MICAL1: variants seen among roughly 807,000 people sequenced by gnomAD.
MICAL1 encodes the protein [F-actin]-monooxygenase MICAL1.
Under a neutral mutation model 131.8 loss-of-function variants are expected in MICAL1, and 95 were observed. The ratio of observed to expected loss-of-function variants is 0.72; its 90% CI spans 0.61 to 0.86. The LOEUF (loss-of-function observed/expected upper bound fraction) is 0.86. Ranked by LOEUF, MICAL1 falls within the 40% of genes least tolerant of loss-of-function variation. The pLI is 0.00. For synonymous variants in MICAL1, 546 were observed against 554.2 expected (o/e 0.99, Z 0.21); for missense variants, 1,292 against 1,380.6 (o/e 0.94, Z 1.02).
In MICAL1 at chr6:109,453,745, G is replaced by A. The variant is rs747384815; in HGVS notation, c.359C>T (p.Ser120Phe). The stretch of plus-strand genomic sequence containing the variant: ...CCAGAGGTGGAGCACGTTGTGGCGA[G>A]AGAACTTGGTGCGCTTTTCCACCAG... ...VVLVEKRTKFSRHNVLHLWPF... is the reference protein window; with the variant it reads ...VVLVEKRTKFFRHNVLHLWPF... Residue 120 changes from serine (S) to phenylalanine (F), a missense_variant, in exon 3 of 25, where the codon TCT becomes TTT. Transcript: ENST00000358807. 2.5e-6 allele frequency: 4 copies of A among 1,613,786 alleles called. No homozygotes were observed. In the Admixed American group the frequency reaches 5.0e-5, roughly 20 times the overall value.
chr6:109,451,511 C>T (rs1277346786), intron 7 of MICAL1, 89 bp downstream of exon 7: 4 of 1,510,932 alleles, frequency 2.6e-6, no homozygotes, highest in Admixed American at 1.9e-5. Flanking sequence ...GGACGGGGTC[C>T]CCACACCCAG....
chr6:109,454,782 C>T (rs572383821), intron 1 of MICAL1: 10 of 153,624 alleles, frequency 6.5e-5, no homozygotes, highest in African/African-American at 2.4e-4. Context: ...GCAAAGTTTT[C>T]CTCAGCACTC....
At chr6:109,461,494 C>G (rs1292972311) in intron 1 of MICAL1, among the ~76,000 whole-genome samples, 1 of 152,078 alleles carries the variant, frequency 6.6e-6, no homozygotes, top group Non-Finnish European at 1.5e-5. Flanking sequence ...AATCCCAGCA[C>G]TTTAGGAGGC....
chr6:109,453,090 G>A (rs1456852021), intron 4 of MICAL1, among the ~76,000 whole-genome samples, 173 bp downstream of exon 4: 1 of 152,206 alleles, frequency 6.6e-6, no homozygotes, highest in Non-Finnish European at 1.5e-5. Context: ...AAACTGGGTG[G>A]CAGAGGTTGC....
rs1385376891 is a variant in MICAL1 at position 109,448,250 on chromosome 6, T to C, written c.1808A>G (p.Tyr603Cys). Reference sequence around the variant, plus strand: ...GAAGGCACTGTGGAAGTGGCTGAGGTAGGCAATGAGGCCCAGTGGGTCACT... The same window carrying C: ...GAAGGCACTGTGGAAGTGGCTGAGGCAGGCAATGAGGCCCAGTGGGTCACT... ...AGSDPLGLIA[Y>C]LSHFHSAFKS... is the part of the protein sequence containing the mutation. The change falls in exon 13 of 25, where the codon TAC becomes TGC. Residue 603 changes from tyrosine to cysteine, a missense_variant. Tyr to Cys is a radical substitution (Grantham distance 194). Transcript: ENST00000358807. 6.2e-7 allele frequency: 1 copy of C among 1,613,596 alleles called. No homozygotes were observed. The highest frequency in any genetic ancestry group is 1.1e-5 in the South Asian group (1 of 91,080).
At chr6:109,460,251 T>C (rs1775851667), upstream of MICAL1, among the ~76,000 whole-genome samples, 1 of 151,836 alleles carries the variant, frequency 6.6e-6, no homozygotes, top group Admixed American at 6.6e-5. Context: ...GCTCAGGAGT[T>C]TGAGACCAGC....
In MICAL1 at chr6:109,445,003, G is replaced by A; in HGVS notation, c.2882-8C>T. ...TTTGCTGTTCTGGGGAACCTGAGAA[G>A]AAGGAAGATGGGTAGGGTGATCAGG... On this transcript the variant is annotated splice_polypyrimidine_tract_variant and splice_region_variant and intron_variant, in intron 22 of 24. Transcript: ENST00000358807. 1.2e-6 allele frequency: 2 copies of A among 1,613,148 alleles called. No individual in the cohort carries two copies. The highest frequency in any genetic ancestry group is 1.7e-6 in the Non-Finnish European group (2 of 1,179,914).
chr6:109,451,663 G>A lies in MICAL1; in HGVS notation c.870C>T (p.Asp290=), dbSNP rs181946092. 126 of 1,614,078 alleles carry A rather than the reference G, an allele frequency of 7.8e-5. No individual in the cohort carries two copies. In the East Asian group the frequency reaches 9.1e-4, roughly 12 times the overall value. The change falls in exon 7 of 25, where the codon GAC becomes GAT. Residue 290 remains aspartate, a synonymous_variant. Transcript: ENST00000358807. ...DLENIVYYKD[D]THYFVMTAKK... is the part of the protein sequence containing the mutation. The stretch of plus-strand genomic sequence containing the variant: ...TGGCTGTCATCACAAAGTAGTGGGT[G>A]TCGTCCTTGTAGTACACAATGTTCT...
chr6:109,456,068 T>G, upstream of MICAL1: 1 of 977,964 alleles, frequency 1.0e-6, no homozygotes, highest in South Asian at 4.7e-5. Flanking sequence ...TGGGTGGGTC[T>G]GGCCTGTTGG....
Position 109,444,806 on chromosome 6 carries a change from G to A in MICAL1, c.2982-8C>T, listed in dbSNP as rs199700552. On this transcript the variant is annotated splice_region_variant and splice_polypyrimidine_tract_variant and intron_variant, in intron 23 of 24. Transcript: ENST00000358807. ...AGATTCAATTCCTGCACCCTGTGGA[G>A]GTCAGGGATTGTAGAAGCAGAGCTG... is the stretch of plus-strand genomic sequence containing the variant. The A allele has an allele frequency of 2.9e-3, 4,755 of 1,614,204 alleles. 25 individuals carry two copies. Among genetic ancestry groups the A allele is most frequent in the South Asian group, 0.011 (963 of 91,084 alleles).
rs1775367021 is a variant in MICAL1 at position 109,448,740 on chromosome 6, AG to A, written c.1655del (p.Pro552LeufsTer22). On this transcript the variant is annotated frameshift_variant, in exon 12 of 25. Coordinates refer to ENST00000358807, the MANE Select transcript of MICAL1 (RefSeq NM_022765.4). LOFTEE classifies it high-confidence loss of function. Reference protein sequence around the residue: ...ALCALVYRLQPGLLEPSELQG... With the variant: ...ALCALVYRLQXGLLEPSELQG... The stretch of plus-strand genomic sequence containing the variant: ...GTCTGCCAGGGACTCACAGCAGGCC[AG>A]GCTGCAGCCGGTACACCAGGGCACA... 6.2e-7 allele frequency: 1 copy of A among 1,613,900 alleles called. No homozygotes were observed. The highest frequency in any genetic ancestry group is 1.3e-5 in the African/African-American group (1 of 74,928).
Position 109,445,496 on chromosome 6 carries a change from T to C in MICAL1, c.2707A>G (p.Met903Val). The C allele has an allele frequency of 6.2e-7, 1 of 1,614,124 alleles. No homozygotes were observed. Among genetic ancestry groups the C allele is most frequent in the Non-Finnish European group, 8.5e-7 (1 of 1,180,040 alleles). ...LQTFAKTSGTMNNYPTWRRTL... is the reference protein window; with the variant it reads ...LQTFAKTSGTVNNYPTWRRTL... Reference sequence around the variant, plus strand: ...CGACGCCATGTTGGGTAGTTATTCATGGTGCCTGAGGTCTTGGCAAAGGTC... The same window carrying C: ...CGACGCCATGTTGGGTAGTTATTCACGGTGCCTGAGGTCTTGGCAAAGGTC... Residue 903 changes from methionine (M) to valine (V), a missense_variant, in exon 21 of 25, where the codon ATG (methionine) becomes GTG (valine). Met to Val is a conservative substitution (Grantham distance 21). Coordinates refer to ENST00000358807, the MANE Select transcript of MICAL1 (RefSeq NM_022765.4).
In MICAL1 at chr6:109,452,501, G is replaced by C; in HGVS notation, c.676+10C>G. 6.2e-7 allele frequency: 1 copy of C among 1,613,492 alleles called. No homozygotes were observed. The highest frequency in any genetic ancestry group is 1.1e-5 in the South Asian group (1 of 91,016). ...AGATGCTGGCTTCTTTGAGGGAAGT[G>C]ATCACTCACCTTCAGGGACGAATTT... On this transcript the variant is annotated intron_variant, in intron 5 of 24. Coordinates refer to ENST00000358807, the MANE Select transcript of MICAL1 (RefSeq NM_022765.4).
At position 109,450,321 on chromosome 6, in the gene MICAL1, C is replaced by T; in HGVS notation, c.1170G>A (p.Leu390=). 1 of 1,608,406 alleles carries T rather than the reference C, an allele frequency of 6.2e-7. No individual in the cohort carries two copies. Among genetic ancestry groups the T allele is most frequent in the South Asian group, 1.1e-5 (1 of 90,980 alleles). ...TCACCTCCACCAGGCAGTCCCCCACCAGTCCCAGCAGCAGGCGGGCGCCAT... is the reference window on the plus strand; with the variant it reads ...TCACCTCCACCAGGCAGTCCCCCACTAGTCCCAGCAGCAGGCGGGCGCCAT... ...EKHGARLLLG[L]VGDCLVEPFW... Residue 390 remains leucine, a synonymous_variant, in exon 8 of 25, where the codon CTG becomes CTA. Transcript: ENST00000358807.
At chr6:109,454,860 TCAA>T (rs1175636347) in intron 1 of MICAL1, 1 of 152,532 alleles carries the variant, frequency 6.6e-6, no homozygotes, top group African/African-American at 2.4e-5. Context: ...CCAAACTGCC[TCAA>T]CAAACGGCGG....
rs1775376424 is a variant in MICAL1, at chr6:109,448,867, G to A, written c.1529C>T (p.Thr510Ile). Reference protein sequence around the residue: ...TGMPATGSAGTQEELLRWCQE... With the variant: ...TGMPATGSAGIQEELLRWCQE... ...GCACCAGCGTAGCAGCTCCTCCTGG[G>A]TGCCTGCCGACCCTGGGAAAGAAGG... The change falls in exon 12 of 25, where the codon ACC becomes ATC. Residue 510 changes from threonine to isoleucine, a missense_variant. By Grantham distance (89) the Thr-to-Ile change is moderately conservative. Transcript: ENST00000358807. 5 of 1,613,586 alleles carry A rather than the reference G, an allele frequency of 3.1e-6. No individual in the cohort carries two copies. Among genetic ancestry groups the A allele is most frequent in the Non-Finnish European group, 3.4e-6 (4 of 1,179,938 alleles).
At chr6:109,461,748 TAAG>T (rs1004697982) in intron 1 of MICAL1, among the ~76,000 whole-genome samples, 2 of 152,128 alleles carry the variant, frequency 1.3e-5, no homozygotes, top group Admixed American at 1.3e-4. Flanking sequence ...TAATAATAAA[TAAG>T]AAATTACTTA....
intron 2 of MICAL1, 34 bp downstream of exon 2, chr6:109,453,905 G>C: frequency 6.2e-7 from 1 of 1,610,174 alleles, no homozygotes; most frequent in South Asian, 1.1e-5. Context: ...CTCCCCGCAT[G>C]CTCCACACCC....
chr6:109,462,787 CA>C (rs1177241107), intron 1 of MICAL1: 1 of 152,206 alleles, frequency 6.6e-6, no homozygotes, highest in Non-Finnish European at 1.5e-5. Flanking sequence ...GATTCACCTT[CA>C]AAACGAGGTG....
Sources: allele counts gnomAD v4.1 joint callset (sites outside exome capture counted in the v4.1 genomes callset), GRCh38; gene constraint gnomAD v4.1.1; transcripts MANE v1.5; gene names NCBI Gene and HGNC (gene_info 2026-07-23, HGNC 2026-07-21).